TANC2: variants seen among roughly 807,000 people sequenced by gnomAD.
The protein encoded by TANC2 is tetratricopeptide repeat, ankyrin repeat and coiled-coil containing 2, also known as protein TANC2.
Under a neutral mutation model 210.5 loss-of-function variants are expected in TANC2, and 26 were observed. The ratio of observed to expected loss-of-function variants is 0.12; its 90% CI spans 0.09 to 0.17. TANC2 has a LOEUF of 0.17. Among genes scored for constraint, TANC2 ranks in the 10% least tolerant of loss-of-function variants. The pLI, the probability that TANC2 is intolerant of heterozygous loss-of-function variation, is 1.00. For missense variants in TANC2, 2,129 were observed against 2,608.9 expected (o/e 0.82, Z 4.01); for synonymous variants, 931 against 967.1 (o/e 0.96, Z 0.69).
intron 2 of TANC2, among the ~76,000 whole-genome samples, chr17:63,045,253 T>G (rs1235199972): frequency 6.6e-6 from 1 of 152,176 alleles, no homozygotes; most frequent in East Asian, 1.9e-4. Flanking sequence ...GCCTAAAATA[T>G]TTACTTTCTT....
At chr17:63,115,843 A>G (rs1263108886) in intron 4 of TANC2, among the ~76,000 whole-genome samples, 1 of 152,202 alleles carries the variant, frequency 6.6e-6, no homozygotes, top group African/African-American at 2.4e-5. Context: ...CAGAGTAGTT[A>G]GGTGCCTTAC....
At chr17:63,019,459 C>T (rs897839441) in intron 2 of TANC2, among the ~76,000 whole-genome samples, 5 of 152,252 alleles carry the variant, frequency 3.3e-5, no homozygotes, top group South Asian at 2.1e-4. Flanking sequence ...CTCAAGTGAT[C>T]GGCCCTCTTT....
intron 7 of TANC2, among the ~76,000 whole-genome samples, chr17:63,227,164 T>C (rs2042350459): frequency 6.6e-6 from 1 of 152,190 alleles, no homozygotes; most frequent in Admixed American, 6.5e-5. Context: ...TCTAGGTCTT[T>C]GAGGAATTGC....
chr17:63,371,629 G>A (rs998578357), intron 14 of TANC2, among the ~76,000 whole-genome samples: 6 of 152,156 alleles, frequency 3.9e-5, no homozygotes, highest in African/African-American at 9.7e-5. Context: ...AGATTTATTT[G>A]TTAGCATGTT....
intron 9 of TANC2, among the ~76,000 whole-genome samples, chr17:63,307,208 G>T (rs1325334496): frequency 6.6e-6 from 1 of 152,144 alleles, no homozygotes; most frequent in Admixed American, 6.6e-5. Flanking sequence ...TTGCGTAGGG[G>T]AGTGATATGG....
chr17:63,119,969 A>G (rs910494154), intron 4 of TANC2, among the ~76,000 whole-genome samples: 13 of 152,030 alleles, frequency 8.6e-5, no homozygotes, highest in African/African-American at 3.1e-4. Flanking sequence ...GCAGTGACCC[A>G]TGATCACTCC....
intron 2 of TANC2, among the ~76,000 whole-genome samples, chr17:63,018,781 G>A (rs117972707): frequency 2.4e-3 from 360 of 152,268 alleles, no homozygotes; most frequent in Non-Finnish European, 4.6e-3. Context: ...ATCACTTCAA[G>A]AATGTTATAT....
chr17:63,009,044 T>C lies in TANC2; in HGVS notation c.-23-493T>C, dbSNP rs186607940. On this transcript the variant is annotated intron_variant, in intron 1 of 27. Coordinates refer to ENST00000689528, the Ensembl canonical transcript of TANC2. The stretch of plus-strand genomic sequence containing the variant: ...TCTTTTAAGGAATTATTTAAATGTT[T>C]AATAGTCTTTTTTATCATATAGTTA... Among the ~76,000 whole-genome samples, 17 of 152,294 alleles carry C rather than the reference T, an allele frequency of 1.1e-4. No individual in the cohort carries two copies. In the East Asian group the frequency reaches 2.7e-3, roughly 24 times the overall value.
intron 3 of TANC2, among the ~76,000 whole-genome samples, chr17:63,081,341 A>G (rs1048422327): frequency 2.0e-5 from 3 of 152,202 alleles, no homozygotes; most frequent in Non-Finnish European, 2.9e-5. Flanking sequence ...ATACCAAACA[A>G]TGTAGACATT....
chr17:63,043,608 T>C (rs1480808324), intron 2 of TANC2, among the ~76,000 whole-genome samples: 1 of 152,142 alleles, frequency 6.6e-6, no homozygotes, highest in Non-Finnish European at 1.5e-5. Context: ...CTCTAGTAAT[T>C]GAAGATTAAG....
At chr17:63,055,981 AAAAAAAAAAATATATATATAT>A (rs1194066522) in intron 2 of TANC2, among the ~76,000 whole-genome samples, 46 of 33,638 alleles carry the variant, frequency 1.4e-3, no homozygotes, top group African/African-American at 3.6e-3. Flanking sequence ...AAAAAAAAAA[AAAAAAAAAAATATATATATAT>A]ATATATATAT....
intron 4 of TANC2, among the ~76,000 whole-genome samples, chr17:63,102,883 C>T (rs1567724428): frequency 6.6e-6 from 1 of 152,074 alleles, no homozygotes; most frequent in Non-Finnish European, 1.5e-5. Context: ...CTGTACTGAA[C>T]ATGTAGATTT....
chr17:63,201,178 A>C (rs1383764401), intron 7 of TANC2, among the ~76,000 whole-genome samples: 1 of 152,124 alleles, frequency 6.6e-6, no homozygotes, highest in Non-Finnish European at 1.5e-5. Context: ...ATTCCCTGAT[A>C]AGAAGGAGTG....
chr17:63,249,338 C>T (rs1478025664), intron 8 of TANC2, among the ~76,000 whole-genome samples: 1 of 151,992 alleles, frequency 6.6e-6, no homozygotes, highest in Non-Finnish European at 1.5e-5. Flanking sequence ...TGTTTTTAAG[C>T]CTGTGTGTTG....
intron 9 of TANC2, among the ~76,000 whole-genome samples, chr17:63,275,530 A>G (rs754705689): frequency 6.6e-6 from 1 of 152,204 alleles, no homozygotes; most frequent in Non-Finnish European, 1.5e-5. Context: ...TCATGAAGCT[A>G]AATGCTCTTA....
chr17:63,067,607 G>A (rs750391527), intron 2 of TANC2, among the ~76,000 whole-genome samples: 26 of 151,956 alleles, frequency 1.7e-4, no homozygotes, highest in Admixed American at 4.6e-4. Flanking sequence ...AAAGAAATAG[G>A]AGATATATAA....
At chr17:63,256,324 T>G (rs898183003) in intron 8 of TANC2, among the ~76,000 whole-genome samples, 6 of 152,214 alleles carry the variant, frequency 3.9e-5, no homozygotes, top group African/African-American at 9.6e-5. Flanking sequence ...TTTCAAGAAA[T>G]CTGTTAATTT....
At chr17:63,300,006 G>C (rs1598804898) in intron 9 of TANC2, among the ~76,000 whole-genome samples, 1 of 152,136 alleles carries the variant, frequency 6.6e-6, no homozygotes, top group Non-Finnish European at 1.5e-5. Context: ...CATATGGCTA[G>C]CCAGTTTTCC....
At chr17:63,130,158 C>T (rs1411073483) in intron 4 of TANC2, among the ~76,000 whole-genome samples, 1 of 151,916 alleles carries the variant, frequency 6.6e-6, no homozygotes, top group Non-Finnish European at 1.5e-5. Flanking sequence ...CTCCAGTATC[C>T]AACTTAATTG....
Sources: gnomAD v4.1 joint callset for allele counts (sites outside exome capture counted in the v4.1 genomes callset) on GRCh38, gnomAD v4.1.1 for gene constraint, MANE v1.5 for transcripts, NCBI Gene and HGNC (gene_info 2026-07-23, HGNC 2026-07-21) for gene names.